The following CEP70 variants were observed in gnomAD, a reference collection of about 807,000 sequenced individuals.
The protein encoded by CEP70 is centrosomal protein 70.
In CEP70, 70 loss-of-function variants were observed where a neutral mutation model predicts 90.9. The ratio of observed to expected loss-of-function variants is 0.77; its 90% CI spans 0.64 to 0.94. The LOEUF is 0.94. Among genes scored for constraint, CEP70 ranks in the 40% least tolerant of loss-of-function variants. The pLI is 0.00. For synonymous variants in CEP70, 220 were observed against 228.3 expected, an observed-to-expected ratio of 0.96 and a Z score of 0.33; for missense variants, 648 against 669.0, an observed-to-expected ratio of 0.97 and a Z score of 0.35.
At chr3:138,514,403 A>G (rs2035813637) in intron 11 of CEP70, among the ~76,000 whole-genome samples, 1 of 152,320 alleles carries the variant, frequency 6.6e-6, no homozygotes, top group African/African-American at 2.4e-5. Flanking sequence ...ATTGCCTGTA[A>G]TGTGCATCAC....
intron 6 of CEP70, among the ~76,000 whole-genome samples, chr3:138,542,123 G>A: frequency 6.6e-6 from 1 of 152,218 alleles, no homozygotes; most frequent in East Asian, 1.9e-4. Context: ...GCAGTGAGGG[G>A]TGTGTGAGTT....
intron 11 of CEP70, among the ~76,000 whole-genome samples, chr3:138,521,340 C>T (rs1405771393): frequency 6.6e-6 from 1 of 151,802 alleles, no homozygotes; most frequent in Non-Finnish European, 1.5e-5. Context: ...TCTTCCCGGC[C>T]GCCACCCCGT....
intron 15 of CEP70, 25 bp from the exon 16 acceptor site, chr3:138,500,249 T>C (rs752728967): frequency 1.9e-6 from 3 of 1,577,066 alleles, no homozygotes; most frequent in Non-Finnish European, 1.7e-6. Context: ...TAAAAGGATA[T>C]TTTAACAGAG....
chr3:138,510,895 C>T (rs1196271359), intron 11 of CEP70, among the ~76,000 whole-genome samples: 1 of 142,186 alleles, frequency 7.0e-6, no homozygotes, highest in Non-Finnish European at 1.5e-5. Flanking sequence ...GAGTCTCGCC[C>T]TGTTGCCCAG....
Position 138,533,672 on chromosome 3 carries a change from A to C in CEP70, c.636-1102T>G, listed in dbSNP as rs147051705. ...AGAAACAGTAGGAAGGACACACACC[A>C]AATTGTTAGGAGAGGAGGTTATTTC... is the stretch of plus-strand genomic sequence containing the variant. On this transcript the variant is annotated intron_variant, in intron 7 of 17. Transcript: ENST00000264982. Among the ~76,000 whole-genome samples the C allele has an allele frequency of 2.0e-3, 311 of 152,336 alleles. 1 individual carries two copies. The highest frequency in any genetic ancestry group is 7.2e-3 in the African/African-American group (300 of 41,580).
At chr3:138,576,711 T>G (rs149610397) in intron 2 of CEP70, among the ~76,000 whole-genome samples, 1 of 152,184 alleles carries the variant, frequency 6.6e-6, no homozygotes, top group African/African-American at 2.4e-5. Context: ...AGTAAAGCAC[T>G]CCTCAGCAAA....
chr3:138,559,536 C>T (rs953332908), intron 6 of CEP70, among the ~76,000 whole-genome samples: 2 of 152,168 alleles, frequency 1.3e-5, no homozygotes, highest in Middle Eastern at 3.2e-3. Context: ...AGTTCAAGAC[C>T]AGCCTGGCCA....
chr3:138,575,070 A>T (rs2041421200), intron 2 of CEP70, among the ~76,000 whole-genome samples: 1 of 152,230 alleles, frequency 6.6e-6, no homozygotes, highest in East Asian at 1.9e-4. Flanking sequence ...GCTCCTCACT[A>T]GCAACAGAAC....
intron 2 of CEP70, among the ~76,000 whole-genome samples, chr3:138,576,939 C>A (rs534337780): frequency 6.6e-6 from 1 of 151,944 alleles, no homozygotes; most frequent in Non-Finnish European, 1.5e-5. Context: ...AATCTTGGAA[C>A]CAACCCAAAT....
intron 11 of CEP70, among the ~76,000 whole-genome samples, chr3:138,513,654 T>A (rs911829373): frequency 6.6e-6 from 1 of 152,206 alleles, no homozygotes; most frequent in African/African-American, 2.4e-5. Flanking sequence ...GTTAACAGTT[T>A]GACTGTTAAT....
At chr3:138,518,434 G>T (rs968839665) in intron 11 of CEP70, among the ~76,000 whole-genome samples, 7 of 152,202 alleles carry the variant, frequency 4.6e-5, no homozygotes, top group African/African-American at 1.7e-4. Context: ...GCACCTCCCA[G>T]TAGGGGCAGA....
At chr3:138,501,406 G>T (rs2034499280) in intron 13 of CEP70, among the ~76,000 whole-genome samples, 1 of 152,100 alleles carries the variant, frequency 6.6e-6, no homozygotes, top group Non-Finnish European at 1.5e-5. Context: ...ACTCCAAAAA[G>T]AAATCTCAGA....
intron 10 of CEP70, among the ~76,000 whole-genome samples, chr3:138,527,792 A>C (rs371672091): frequency 6.6e-6 from 1 of 151,948 alleles, no homozygotes; most frequent in South Asian, 2.1e-4. Flanking sequence ...GGCCTCAAAC[A>C]ATCCTCCTAC....
chr3:138,550,937 G>A (rs2039568687), intron 6 of CEP70, among the ~76,000 whole-genome samples: 1 of 152,174 alleles, frequency 6.6e-6, no homozygotes, highest in Admixed American at 6.5e-5. Context: ...TAAAAGTTTG[G>A]AAAACGTCTC....
intron 6 of CEP70, among the ~76,000 whole-genome samples, chr3:138,554,734 G>A (rs200487800): frequency 6.6e-6 from 1 of 152,228 alleles, no homozygotes; most frequent in African/African-American, 2.4e-5. Flanking sequence ...ATAAAATAAA[G>A]TACTTAAGAA....
At chr3:138,522,990 A>G (rs1306419997) in intron 11 of CEP70, among the ~76,000 whole-genome samples, 2 of 152,228 alleles carry the variant, frequency 1.3e-5, no homozygotes, top group African/African-American at 4.8e-5. Flanking sequence ...ATACTGGCAA[A>G]TGGAATCCAG....
At position 138,566,601 on chromosome 3, in the gene CEP70, G is replaced by T. The variant is rs143114643; in HGVS notation, c.465+3717C>A. On this transcript the variant is annotated intron_variant, in intron 6 of 17. Coordinates refer to ENST00000264982, the MANE Select transcript of CEP70 (RefSeq NM_024491.4). ...TGCACATTCTCACTTATAAGTGGGA[G>T]CTGAACAATGAGAACACATGGACAC... Among the ~76,000 whole-genome samples the T allele has an allele frequency of 4.8e-3, 724 of 152,110 alleles. 4 individuals carry two copies. The highest frequency in any genetic ancestry group is 0.017 in the African/African-American group (697 of 41,452).
At chr3:138,495,753 G>A in intron 17 of CEP70, 1 of 375,208 alleles carries the variant, frequency 2.7e-6, no homozygotes, top group Non-Finnish European at 3.7e-6. Flanking sequence ...TTGGGAAGTT[G>A]AGGCAGGAGA....
intron 12 of CEP70, among the ~76,000 whole-genome samples, chr3:138,506,276 G>T (rs982416508): frequency 6.6e-6 from 1 of 152,122 alleles, no homozygotes; most frequent in African/African-American, 2.4e-5. Flanking sequence ...TTGAGCCCAG[G>T]AATTCAAGGC....
Sources: allele counts gnomAD v4.1 joint callset (sites outside exome capture counted in the v4.1 genomes callset), GRCh38; gene constraint gnomAD v4.1.1; transcripts MANE v1.5; gene names NCBI Gene and HGNC (gene_info 2026-07-23, HGNC 2026-07-21).